The following PHF14 variants were observed in gnomAD, a reference collection of about 807,000 sequenced individuals.
The protein encoded by PHF14 is PHD finger protein 14.
In PHF14, 55 loss-of-function variants were observed where a neutral mutation model predicts 117.9. That is an observed-to-expected ratio of 0.47 (90% CI 0.38 to 0.58). The LOEUF is 0.58. PHF14 is among the 20% of genes least tolerant of loss of function. The pLI, the probability that PHF14 is intolerant of heterozygous loss-of-function variation, is 0.00. For synonymous variants in PHF14, 409 were observed against 368.6 expected, an observed-to-expected ratio of 1.11 and a Z score of -1.26; for missense variants, 978 against 1,122.2, an observed-to-expected ratio of 0.87 and a Z score of 1.84.
intron 16 of PHF14, among the ~76,000 whole-genome samples, chr7:11,082,885 C>T (rs1786205550): frequency 6.6e-6 from 1 of 152,112 alleles, no homozygotes; most frequent in Non-Finnish European, 1.5e-5. Flanking sequence ...TACCCCTCCC[C>T]TTCCCTTTTC....
At chr7:11,151,060 T>C (rs1008968923) in intron 17 of PHF14, among the ~76,000 whole-genome samples, 1 of 151,982 alleles carries the variant, frequency 6.6e-6, no homozygotes, top group Non-Finnish European at 1.5e-5. Flanking sequence ...AAAAGCAAAA[T>C]AGAATCTTAG....
chr7:11,045,072 A>G (rs996575724), intron 13 of PHF14, among the ~76,000 whole-genome samples: 4 of 152,130 alleles, frequency 2.6e-5, no homozygotes, highest in African/African-American at 9.7e-5. Flanking sequence ...CCCATCCTAC[A>G]TTCTGTGATG....
chr7:11,126,458 TAAAG>T (rs539213692), intron 17 of PHF14, among the ~76,000 whole-genome samples: 37 of 152,138 alleles, frequency 2.4e-4, no homozygotes, highest in Non-Finnish European at 5.0e-4. Context: ...GTTTACAGCA[TAAAG>T]ACTCTGTTAA....
intron 16 of PHF14, among the ~76,000 whole-genome samples, chr7:11,068,072 C>T (rs201123246): frequency 1.6e-4 from 24 of 152,148 alleles, no homozygotes; most frequent in Admixed American, 5.9e-4. Flanking sequence ...AATTCTGGGC[C>T]GGGTGCGGTG....
chr7:11,151,762 G>A (rs1027085658), intron 17 of PHF14, among the ~76,000 whole-genome samples: 1 of 151,968 alleles, frequency 6.6e-6, no homozygotes, highest in Non-Finnish European at 1.5e-5. Context: ...ACAAATAAAG[G>A]CCATTTTTTT....
rs778676819 is a variant in PHF14, at chr7:11,062,068, C to G, written c.2637C>G (p.Asp879Glu). ...TECATCKGTG[D>E]NENLVRCDEC... Reference sequence around the variant, plus strand: ...GTGCAACTTGCAAGGGAACTGGAGACAATGAAAATCTTGTCAGGTAAGTTG... The same window carrying G: ...GTGCAACTTGCAAGGGAACTGGAGAGAATGAAAATCTTGTCAGGTAAGTTG... Residue 879 changes from aspartate (D) to glutamate (E), a missense_variant, in exon 16 of 18, where the codon GAC becomes GAG. Asp to Glu is a conservative substitution (Grantham distance 45). This residue lies in a region of PHF14 where 180 missense variants were observed against 195.4 expected (regional missense o/e 0.92). Coordinates refer to ENST00000634607, the MANE Select transcript of PHF14 (RefSeq NM_001007157.2). 28 of 1,606,280 alleles carry G rather than the reference C, an allele frequency of 1.7e-5. No individual in the cohort carries two copies. The highest frequency in any genetic ancestry group is 2.7e-5 in the African/African-American group (2 of 74,826).
At chr7:11,047,682 G>GT (rs1258733977) in intron 13 of PHF14, among the ~76,000 whole-genome samples, 1 of 150,934 alleles carries the variant, frequency 6.6e-6, no homozygotes, top group African/African-American at 2.4e-5. Flanking sequence ...TGCTACTCAG[G>GT]AGGCTGAGGT....
intron 4 of PHF14, among the ~76,000 whole-genome samples, chr7:11,013,413 C>A (rs918522563): frequency 6.6e-6 from 1 of 152,138 alleles, no homozygotes; most frequent in Non-Finnish European, 1.5e-5. Context: ...CTGCCCACCT[C>A]GGCCTCCCAA....
intron 17 of PHF14, among the ~76,000 whole-genome samples, chr7:11,125,023 C>G (rs2128347183): frequency 6.6e-6 from 1 of 152,138 alleles, no homozygotes; most frequent in Non-Finnish European, 1.5e-5. Flanking sequence ...TGAGGTAACT[C>G]AACTCCTCAG....
At chr7:11,104,178 T>G (rs1349655196) in intron 16 of PHF14, 2 of 984,052 alleles carry the variant, frequency 2.0e-6, no homozygotes, top group African/African-American at 3.5e-5. Context: ...TCCTTTTCAC[T>G]TTGATTCCAA....
chr7:11,158,323 G>A (rs767333225), intron 17 of PHF14, among the ~76,000 whole-genome samples: 5 of 151,948 alleles, frequency 3.3e-5, no homozygotes, highest in South Asian at 2.1e-4. Context: ...CCACAAGTTG[G>A]GTTTGCTTAA....
At position 11,088,081 on chromosome 7, in the gene PHF14, C is replaced by T. The variant is rs548549152; in HGVS notation, c.2655-23269C>T. 1.1e-4 allele frequency among the ~76,000 whole-genome samples: 17 copies of T among 152,126 alleles called. No homozygotes were observed. The East Asian group carries it at 1.7e-3, about 16-fold the overall frequency. On this transcript the variant is annotated intron_variant, in intron 16 of 17. Transcript: ENST00000634607. ...ATCCGTGGGGCATTGATTCCAGGAC[C>T]GCTCTCGGATATCAAAATCTGAAGA...
chr7:11,166,778 T>A (rs1234173643), intron 17 of PHF14, among the ~76,000 whole-genome samples: 1 of 152,134 alleles, frequency 6.6e-6, no homozygotes, highest in Admixed American at 6.5e-5. Flanking sequence ...ATTTGTTATA[T>A]AAGTGACTTA....
intron 5 of PHF14, among the ~76,000 whole-genome samples, chr7:11,019,263 A>G (rs1783640955): frequency 6.6e-6 from 1 of 152,180 alleles, no homozygotes; most frequent in Non-Finnish European, 1.5e-5. Flanking sequence ...TGAGTTTGGA[A>G]ATATTCCCTC....
chr7:11,092,275 C>G (rs1786667568), intron 16 of PHF14, among the ~76,000 whole-genome samples: 1 of 152,166 alleles, frequency 6.6e-6, no homozygotes, highest in African/African-American at 2.4e-5. Flanking sequence ...GGTCCTTAAA[C>G]ATTAGGGTGC....
chr7:11,046,143 T>A (rs1163839030), intron 13 of PHF14, among the ~76,000 whole-genome samples: 6 of 152,222 alleles, frequency 3.9e-5, no homozygotes, highest in Admixed American at 3.9e-4. Flanking sequence ...TTAAAATGCA[T>A]TTTGTCTCAT....
At chr7:10,995,175 T>G (rs192118327) in intron 4 of PHF14, among the ~76,000 whole-genome samples, 143 of 152,316 alleles carry the variant, frequency 9.4e-4, no homozygotes, top group African/African-American at 3.3e-3. Flanking sequence ...GAGTGCTGAT[T>G]GGTGTATTTA....
intron 17 of PHF14, among the ~76,000 whole-genome samples, chr7:11,137,051 CA>C (rs1336576617): frequency 6.6e-6 from 1 of 152,082 alleles, no homozygotes; most frequent in Non-Finnish European, 1.5e-5. Context: ...CTTATGGGGG[CA>C]AAAATGCAAA....
intron 4 of PHF14, among the ~76,000 whole-genome samples, chr7:10,996,658 C>T (rs6951535): frequency 0.047 from 7,113 of 151,826 alleles, 468 homozygotes; most frequent in African/African-American, 0.15. Flanking sequence ...ATAAAATACA[C>T]AGAAGCAAGG....
Sources: gnomAD v4.1 joint callset for allele counts (sites outside exome capture counted in the v4.1 genomes callset) on GRCh38, gnomAD v4.1.1 for gene constraint, gnomAD v4.1.1 regional missense constraint, MANE v1.5 for transcripts, NCBI Gene and HGNC (gene_info 2026-07-23, HGNC 2026-07-21) for gene names.